CSF2RA: variants seen among roughly 807,000 people sequenced by gnomAD.
CSF2RA encodes colony stimulating factor 2 receptor subunit alpha.
A neutral mutation model predicts 51.6 loss-of-function variants in CSF2RA; 42 were observed. The ratio of observed to expected loss-of-function variants is 0.81; its 90% CI spans 0.64 to 1.05. The LOEUF (loss-of-function observed/expected upper bound fraction) is 1.05. CSF2RA is among the 50% of genes least tolerant of loss of function. The probability of loss-of-function intolerance (pLI) is 0.00; values close to 1 mark genes in which losing one functional copy is unlikely to be tolerated. For synonymous variants in CSF2RA, 222 were observed against 193.0 expected, an observed-to-expected ratio of 1.15 and a Z score of -1.24; for missense variants, 530 against 501.1, an observed-to-expected ratio of 1.06 and a Z score of -0.55.
At chrX:1,302,606 G>A (rs2083106895) in intron 10 of CSF2RA, among the ~76,000 whole-genome samples, 2 of 152,032 alleles carry the variant, frequency 1.3e-5, no homozygotes. Context: ...CTGGGTTCAA[G>A]CGATTCTCCT....
chrX:1,293,634 A>G (rs1304633057), intron 7 of CSF2RA, among the ~76,000 whole-genome samples: 2 of 152,024 alleles, frequency 1.3e-5, no homozygotes, highest in Non-Finnish European at 2.9e-5. Flanking sequence ...ACCTGGACCC[A>G]GCGTAGACAA....
intron 2 of CSF2RA, 41 bp from the exon 3 acceptor site, chrX:1,282,637 A>G (rs1284284093): frequency 1.4e-6 from 2 of 1,428,964 alleles, no homozygotes; most frequent in Non-Finnish European, 2.0e-6. Flanking sequence ...ATGTCCTGGG[A>G]GAGGCAACCT....
intron 12 of CSF2RA, among the ~76,000 whole-genome samples, chrX:1,308,841 C>G (rs1157707766): frequency 6.6e-6 from 1 of 152,146 alleles, no homozygotes; most frequent in Admixed American, 6.6e-5. Flanking sequence ...GTACCCTGCC[C>G]AGGTTTCATG....
chrX:1,281,591 G>C (rs1458887484), intron 2 of CSF2RA, among the ~76,000 whole-genome samples: 4 of 151,060 alleles, frequency 2.6e-5, no homozygotes, highest in African/African-American at 9.7e-5. Flanking sequence ...GCATAAAGAA[G>C]TATCAAATAA....
chrX:1,290,734 G>A (rs1488430654), intron 7 of CSF2RA, among the ~76,000 whole-genome samples: 14 of 151,930 alleles, frequency 9.2e-5, no homozygotes, highest in South Asian at 2.1e-4. Flanking sequence ...GCATGGTGGC[G>A]CGTGCCTGTA....
downstream of CSF2RA, among the ~76,000 whole-genome samples, chrX:1,314,894 G>GCACTTGCCC (rs2084476460): frequency 5.7e-5 from 5 of 87,920 alleles, no homozygotes; most frequent in African/African-American, 2.1e-4. Flanking sequence ...CAACCACACT[G>GCACTTGCCC]AACCTGCTCA....
chrX:1,288,768 G>A lies in CSF2RA; in HGVS notation c.353G>A (p.Gly118Asp), dbSNP rs745921329. Residue 118 changes from glycine (G) to aspartate (D), a missense_variant, in exon 6 of 13, where the codon GGT becomes GAT. Physicochemically the swap from Gly to Asp is moderately conservative, Grantham distance 94 (BLOSUM62 -1). Transcript: ENST00000381529. ...TTCTACCTCTTCCCAGGAAGGGAGG[G>A]TACCGCTGCTCAGAATTTCTCCTGT... is the stretch of plus-strand genomic sequence containing the variant. Reference protein sequence around the residue: ...KLLYPNSGREGTAAQNFSCFI... With the variant: ...KLLYPNSGREDTAAQNFSCFI... 2.5e-6 allele frequency: 4 copies of A among 1,613,862 alleles called. No homozygotes were observed. The highest frequency in any genetic ancestry group is 3.4e-6 in the Non-Finnish European group (4 of 1,179,848).
the CSF2RA span, among the ~76,000 whole-genome samples, chrX:1,323,970 C>T: frequency 2.0e-5 from 3 of 151,816 alleles, no homozygotes; most frequent in Non-Finnish European, 2.9e-5. Flanking sequence ...GCCAAGATCA[C>T]CCCACTGCAT....
Position 1,289,027 on chromosome X carries a change from C to G in CSF2RA, c.473+139C>G. 3.5e-6 allele frequency: 4 copies of G among 1,148,092 alleles called. No individual in the cohort carries two copies. The South Asian group carries it at 3.9e-5, about 11-fold the overall frequency. The allele number at this position is 1,148,092 out of a possible 1,614,324, so 71.1% of individuals were successfully genotyped here. ...CCCAGGCTGCAATGCAATGGTGCCA[C>G]CTCGGCTCACTGCAACCTCGACCTC... On this transcript the variant is annotated intron_variant, in intron 6 of 12. Transcript: ENST00000381529.
rs141710663 is a variant in CSF2RA, at chrX:1,308,242, C to G, written c.1126-1160C>G. The stretch of plus-strand genomic sequence containing the variant: ...GGGGACTGTAGCCTAGTCACGGGGA[C>G]ACGTCATTGGTGCCGGGTATCAGAG... On this transcript the variant is annotated intron_variant, in intron 12 of 12. Coordinates refer to ENST00000381529, the MANE Select transcript of CSF2RA (RefSeq NM_172245.4). Among the ~76,000 whole-genome samples the G allele has an allele frequency of 2.4e-3, 363 of 152,188 alleles. 1 individual carries two copies. Among genetic ancestry groups the G allele is most frequent in the African/African-American group, 8.5e-3 (351 of 41,524 alleles).
At chrX:1,276,082 C>A (rs1314744132) in intron 2 of CSF2RA, among the ~76,000 whole-genome samples, 1 of 151,248 alleles carries the variant, frequency 6.6e-6, no homozygotes. Context: ...CTCACTGCAA[C>A]CTCTGCCTCC....
the CSF2RA span, among the ~76,000 whole-genome samples, chrX:1,316,059 A>AATAGATAGATAGATATAGATAGATAG: frequency 2.7e-5 from 4 of 149,036 alleles, no homozygotes; most frequent in African/African-American, 7.4e-5. Context: ...TAGATAGATC[A>AATAGATAGATAGATATAGATAGATAG]ATAGATAGAT....
chrX:1,314,592 ACCTGC>A (rs2084423342), downstream of CSF2RA, among the ~76,000 whole-genome samples: 2 of 11,830 alleles, frequency 1.7e-4, no homozygotes, highest in African/African-American at 5.1e-4. Context: ...ACCCCACTGC[ACCTGC>A]CCAACCCCAC....
intron 7 of CSF2RA, 76 bp from the exon 8 acceptor site, chrX:1,294,252 C>T (rs766016979): frequency 6.3e-7 from 1 of 1,576,238 alleles, no homozygotes; most frequent in East Asian, 2.2e-5. Flanking sequence ...GGAGGAGACT[C>T]TGCACCACCT....
At chrX:1,317,563 A>ATT in the CSF2RA span, among the ~76,000 whole-genome samples, 1 of 92,498 alleles carries the variant, frequency 1.1e-5, no homozygotes, top group African/African-American at 5.9e-5. Context: ...TTTTATTTTT[A>ATT]TTTTATTTTA....
At chrX:1,310,822 G>T (rs1299095369), downstream of CSF2RA, among the ~76,000 whole-genome samples, 1 of 152,104 alleles carries the variant, frequency 6.6e-6, no homozygotes, top group Admixed American at 6.6e-5. Context: ...TTGGTTCTCC[G>T]GGTTGGAGGT....
the CSF2RA span, among the ~76,000 whole-genome samples, chrX:1,316,599 G>A: frequency 6.6e-6 from 1 of 152,204 alleles, no homozygotes; most frequent in Non-Finnish European, 1.5e-5. Context: ...CTGGAGATGG[G>A]CTTGGCCCGG....
downstream of CSF2RA, among the ~76,000 whole-genome samples, chrX:1,310,916 TTC>T (rs1569514148): frequency 2.0e-5 from 3 of 151,898 alleles, no homozygotes; most frequent in African/African-American, 4.8e-5. Flanking sequence ...AATGAGTGAG[TTC>T]TTTCTCTATT....
At position 1,294,321 on chromosome X, in the gene CSF2RA, G is replaced by C; in HGVS notation, c.647-7G>C. On this transcript the variant is annotated splice_polypyrimidine_tract_variant and splice_region_variant and intron_variant, in intron 7 of 12. Transcript: ENST00000381529. ...GTTCAGGGGTGTGTCCTGCGCCCTC[G>C]TTACAGAACGATTCAACCCTCCCAG... 6 of 1,613,114 alleles carry C rather than the reference G, an allele frequency of 3.7e-6. No homozygotes were observed. The highest frequency in any genetic ancestry group is 5.1e-6 in the Non-Finnish European group (6 of 1,179,830).
Sources: gnomAD v4.1 joint callset for allele counts (sites outside exome capture counted in the v4.1 genomes callset) on GRCh38, gnomAD v4.1.1 for gene constraint, MANE v1.5 for transcripts, NCBI Gene and HGNC (gene_info 2026-07-23, HGNC 2026-07-21) for gene names.